SNED1: variants seen among roughly 807,000 people sequenced by gnomAD.
The protein encoded by SNED1 is sushi, nidogen and EGF-like domain-containing protein 1.
In SNED1, 81 loss-of-function variants were observed where a neutral mutation model predicts 166.7. The ratio of observed to expected loss-of-function variants is 0.49; its 90% CI spans 0.41 to 0.58. The LOEUF is 0.58. Ranked by LOEUF, SNED1 falls within the 20% of genes least tolerant of loss-of-function variation. The probability of loss-of-function intolerance (pLI) is 0.00; values close to 1 mark genes in which losing one functional copy is unlikely to be tolerated. For synonymous variants in SNED1, 762 were observed against 822.0 expected (o/e 0.93, Z 1.25); for missense variants, 1,604 against 2,000.2 (o/e 0.80, Z 3.78).
intron 2 of SNED1, among the ~76,000 whole-genome samples, chr2:241,032,472 C>T (rs2061210538): frequency 3.0e-5 from 4 of 133,028 alleles, no homozygotes; most frequent in Admixed American, 8.4e-5. Context: ...CATCACACAC[C>T]AGGGCCTGTC....
intron 29 of SNED1, among the ~76,000 whole-genome samples, chr2:241,085,277 A>G (rs1456841312): frequency 6.6e-6 from 1 of 152,132 alleles, no homozygotes; most frequent in Non-Finnish European, 1.5e-5. Flanking sequence ...AGGTCACTGC[A>G]GCTCTTCTCA....
At chr2:241,065,814 C>T (rs984917252) in intron 21 of SNED1, among the ~76,000 whole-genome samples, 3 of 152,076 alleles carry the variant, frequency 2.0e-5, no homozygotes, top group African/African-American at 7.2e-5. Context: ...GGGATTGGGG[C>T]GCATAGAATC....
intron 14 of SNED1, 63 bp downstream of exon 14, chr2:241,052,220 A>T: frequency 1.3e-6 from 2 of 1,511,744 alleles, no homozygotes; most frequent in Non-Finnish European, 1.8e-6. Context: ...AGATGTGAAA[A>T]CAGGCCCATG....
intron 20 of SNED1, among the ~76,000 whole-genome samples, 168 bp downstream of exon 20, chr2:241,065,125 C>A (rs1484501198): frequency 6.6e-6 from 1 of 152,062 alleles, no homozygotes; most frequent in Non-Finnish European, 1.5e-5. Flanking sequence ...CACGGTCACA[C>A]ATTCAAAAGT....
At chr2:241,089,866 C>T in intron 31 of SNED1, 1 of 1,466,988 alleles carries the variant, frequency 6.8e-7, no homozygotes, top group Non-Finnish European at 9.0e-7. Flanking sequence ...GGGCTACACA[C>T]CACAGCGTGT....
chr2:241,075,948 T>C lies in SNED1; in HGVS notation c.3916+2584T>C, dbSNP rs1037339864. Among the ~76,000 whole-genome samples the C allele has an allele frequency of 1.3e-5, 2 of 152,168 alleles. No homozygotes were observed. The highest frequency in any genetic ancestry group is 1.3e-4 in the Admixed American group (2 of 15,280). ...CTCTTCATGCTAAAAAGTCCCTTTT[T>C]CCCCCACTGTCAGTATCAAAATTCC... On this transcript the variant is annotated intron_variant, in intron 27 of 31. Coordinates refer to ENST00000310397, the MANE Select transcript of SNED1 (RefSeq NM_001080437.3). This position sits in a 1 kb window ranked among gnomAD's most constrained non-coding sequence, Gnocchi z 4.8.
intron 17 of SNED1, 79 bp from the exon 18 acceptor site, chr2:241,063,508 G>C: frequency 1.1e-6 from 1 of 921,390 alleles, no homozygotes; most frequent in South Asian, 1.4e-5. Flanking sequence ...GAAGCCCCAG[G>C]AAATGCACGG....
Position 241,078,250 on chromosome 2 carries a change from G to C in SNED1, c.3917-3427G>C, listed in dbSNP as rs1355212305. Among the ~76,000 whole-genome samples, 3 of 151,674 alleles carry C rather than the reference G, an allele frequency of 2.0e-5. 1 individual carries two copies. The highest frequency in any genetic ancestry group is 7.3e-5 in the African/African-American group (3 of 41,016). ...ATACAAAAATTAGCTGGGCGTGGTGGCGGGCGCCTGTAGTCCCAGCTCCTC... is the reference window on the plus strand; with the variant it reads ...ATACAAAAATTAGCTGGGCGTGGTGCCGGGCGCCTGTAGTCCCAGCTCCTC... On this transcript the variant is annotated intron_variant, in intron 27 of 31. Coordinates refer to ENST00000310397, the MANE Select transcript of SNED1 (RefSeq NM_001080437.3).
At chr2:241,017,111 A>G (rs1339867227) in intron 1 of SNED1, among the ~76,000 whole-genome samples, 3 of 152,192 alleles carry the variant, frequency 2.0e-5, no homozygotes, top group Non-Finnish European at 2.9e-5. Context: ...TTGGCCTCCC[A>G]AAGTGCTGGG....
In SNED1 at chr2:241,029,906, C is replaced by T. The variant is rs1024615188; in HGVS notation, c.214-378C>T. On this transcript the variant is annotated intron_variant, in intron 1 of 31. Transcript: ENST00000310397. The stretch of plus-strand genomic sequence containing the variant: ...TACTGGGGCTCCGCCTCGCCTCCTG[C>T]GGCCCCAGCCGGAGCAGAGCTGAGG... Among the ~76,000 whole-genome samples the T allele has an allele frequency of 6.6e-5, 10 of 152,264 alleles. No individual in the cohort carries two copies. The East Asian group carries it at 1.3e-3, about 21-fold the overall frequency.
chr2:241,027,352 A>G (rs1215165596), intron 1 of SNED1, among the ~76,000 whole-genome samples: 1 of 152,202 alleles, frequency 6.6e-6, no homozygotes, highest in East Asian at 1.9e-4. Flanking sequence ...AAGTGTTGGG[A>G]TTACAGGCAT....
chr2:241,061,539 T>C (rs564464004), intron 16 of SNED1, among the ~76,000 whole-genome samples: 2 of 152,276 alleles, frequency 1.3e-5, no homozygotes, highest in South Asian at 4.1e-4. Flanking sequence ...TAAGAAAAAC[T>C]TCACGTCTGC....
rs2064186580 is a variant in SNED1 at position 241,093,555 on chromosome 2, A to G, written c.*1919A>G. 7.6e-6 allele frequency: 1 copy of G among 131,992 alleles called. No homozygotes were observed. Among genetic ancestry groups the G allele is most frequent in the Non-Finnish European group, 1.5e-5 (1 of 64,970 alleles). The allele number at this position is 131,992 out of a possible 1,614,324, so 8.2% of individuals were successfully genotyped here. A position where few individuals can be genotyped will look rare whatever the true frequency, so the allele number is the denominator to read the frequency against. On this transcript the variant is annotated 3_prime_UTR_variant, in exon 32 of 32. Transcript: ENST00000310397. ...GTGTTAGCTTAGAAGCCTTGTGTCA[A>G]CAAGAACTGGCTCCTGAGTCCCAAG... is the stretch of plus-strand genomic sequence containing the variant.
intron 8 of SNED1, among the ~76,000 whole-genome samples, chr2:241,047,146 CAAAAA>C (rs59981303): frequency 5.1e-4 from 35 of 68,178 alleles, no homozygotes; most frequent in South Asian, 3.7e-3. Context: ...GAGACTCTGT[CAAAAA>C]AAAAAAAAAA....
chr2:241,076,466 A>T (rs948798996), intron 27 of SNED1, among the ~76,000 whole-genome samples: 1 of 152,210 alleles, frequency 6.6e-6, no homozygotes, highest in Non-Finnish European at 1.5e-5. Context: ...ACCTTTGCAT[A>T]CTGACCTTAT....
At chr2:241,072,304 G>T (rs1559297421) in intron 26 of SNED1, 1 of 437,326 alleles carries the variant, frequency 2.3e-6, no homozygotes, top group East Asian at 6.9e-5. Context: ...GTCCTGGCAA[G>T]ATCTTCCCGG....
chr2:241,089,438 T>A, intron 31 of SNED1: 1 of 1,548,376 alleles, frequency 6.5e-7, no homozygotes. Context: ...TTTTCAGATA[T>A]AGGCTCACAC....
chr2:241,049,019 T>A lies in SNED1; in HGVS notation c.1505-3T>A. 1.9e-6 allele frequency: 3 copies of A among 1,609,616 alleles called. No individual in the cohort carries two copies. Among genetic ancestry groups the A allele is most frequent in the Non-Finnish European group, 2.5e-6 (3 of 1,177,290 alleles). ...GGGATGGGGCTTCCTCCTTTCTCTC[T>A]AGAAATCACAGCCATGCCCTGCAAC... is the stretch of plus-strand genomic sequence containing the variant. On this transcript the variant is annotated splice_region_variant and splice_polypyrimidine_tract_variant and intron_variant, in intron 10 of 31. Transcript: ENST00000310397.
intron 10 of SNED1, 115 bp downstream of exon 10, chr2:241,048,881 C>T: frequency 8.4e-7 from 1 of 1,186,896 alleles, no homozygotes; most frequent in Non-Finnish European, 1.2e-6. Flanking sequence ...TGGTTCTACC[C>T]CCACCCAGGA....
Sources: allele counts gnomAD v4.1 joint callset (sites outside exome capture counted in the v4.1 genomes callset), GRCh38; gene constraint gnomAD v4.1.1; non-coding constraint Gnocchi (gnomAD v3.1); transcripts MANE v1.5; gene names NCBI Gene and HGNC (gene_info 2026-07-23, HGNC 2026-07-21).